CDK12: variants seen among roughly 807,000 people sequenced by gnomAD.
CDK12 encodes cyclin-dependent kinase 12.
A neutral mutation model predicts 133.8 loss-of-function variants in CDK12; 17 were observed. The ratio of observed to expected loss-of-function variants is 0.13; its 90% CI spans 0.09 to 0.19. The LOEUF (loss-of-function observed/expected upper bound fraction) is 0.19, where lower values mean the gene tolerates loss of function less well. Ranked by LOEUF, CDK12 falls within the 10% of genes least tolerant of loss-of-function variation. The probability of loss-of-function intolerance (pLI) is 1.00; values close to 1 mark genes in which losing one functional copy is unlikely to be tolerated. For missense variants in CDK12, 1,508 were observed against 1,818.7 expected, an observed-to-expected ratio of 0.83 and a Z score of 3.11; for synonymous variants, 694 against 683.6, an observed-to-expected ratio of 1.02 and a Z score of -0.24.
chr17:39,523,073 A>G (rs575974274), intron 11 of CDK12, among the ~76,000 whole-genome samples: 13 of 152,050 alleles, frequency 8.5e-5, no homozygotes, highest in Non-Finnish European at 1.9e-4. Flanking sequence ...AGTAACATAA[A>G]AGAAATATGA....
At chr17:39,466,956 T>G (rs115077930) in intron 1 of CDK12, among the ~76,000 whole-genome samples, 1,625 of 152,000 alleles carry the variant, frequency 0.011, 27 homozygotes, top group African/African-American at 0.037. Context: ...CAAAATGAAA[T>G]AAGCAACATT....
chr17:39,531,235 G>C lies in CDK12; in HGVS notation c.4392G>C (p.Gln1464His), dbSNP rs142640502. ...GCCTTCACTGGGGGGGCCCAACTCA[G>C]TCTTCTGCTTATGGAAAACTCTATC... ...GAGLHWGGPT[Q>H]SSAYGKLYRG... is the part of the protein sequence containing the mutation. The change falls in exon 14 of 14, where the codon CAG becomes CAC. Residue 1464 changes from glutamine to histidine, a missense_variant. By Grantham distance (24) the Gln-to-His change is conservative. Transcript: ENST00000447079. 2.6e-6 allele frequency: 4 copies of C among 1,515,122 alleles called. No individual in the cohort carries two copies. The highest frequency in any genetic ancestry group is 2.3e-5 in the East Asian group (1 of 43,816). The allele number at this position is 1,515,122 out of a possible 1,614,324, so 93.9% of individuals were successfully genotyped here.
At chr17:39,481,345 T>G (rs1210901284) in intron 2 of CDK12, among the ~76,000 whole-genome samples, 2 of 150,428 alleles carry the variant, frequency 1.3e-5, no homozygotes, top group Non-Finnish European at 3.0e-5. Flanking sequence ...TTTTTTTTTT[T>G]GTGGCAGAAT....
At chr17:39,512,233 G>A (rs1033729729) in intron 8 of CDK12, among the ~76,000 whole-genome samples, 38 of 152,036 alleles carry the variant, frequency 2.5e-4, no homozygotes, top group African/African-American at 8.9e-4. Flanking sequence ...GTGACTACAG[G>A]CGTATGTTGC....
At chr17:39,535,330 A>G (rs1485505067), downstream of CDK12, among the ~76,000 whole-genome samples, 1 of 152,226 alleles carries the variant, frequency 6.6e-6, no homozygotes. Flanking sequence ...CACCAGAGCA[A>G]GGGAAATTAG....
At chr17:39,472,272 C>A (rs1012990835) in intron 2 of CDK12, among the ~76,000 whole-genome samples, 1 of 151,996 alleles carries the variant, frequency 6.6e-6, no homozygotes, top group Non-Finnish European at 1.5e-5. Flanking sequence ...GCATGAGCCA[C>A]CATCCCTAGC....
chr17:39,490,751 T>C lies in CDK12; in HGVS notation c.2108+18T>C. ...AGACCAAAGTGAGTTTTTGGAGGAA[T>C]CTGTCTTTCATGATAGTTTTCTCCC... On this transcript the variant is annotated intron_variant, in intron 3 of 13. Transcript: ENST00000447079. 1 of 1,573,174 alleles carries C rather than the reference T, an allele frequency of 6.4e-7. No individual in the cohort carries two copies. Among genetic ancestry groups the C allele is most frequent in the Non-Finnish European group, 8.7e-7 (1 of 1,152,780 alleles).
At chr17:39,497,267 G>A (rs1413111109) in intron 5 of CDK12, among the ~76,000 whole-genome samples, 2 of 152,120 alleles carry the variant, frequency 1.3e-5, no homozygotes, top group Admixed American at 6.6e-5. Flanking sequence ...ATCTGGGCTA[G>A]GTGTGGTTGC....
rs1170059454 is a variant in CDK12 at position 39,492,127 on chromosome 17, C to G, written c.2109-624C>G. Among the ~76,000 whole-genome samples, 3 of 141,116 alleles carry G rather than the reference C, an allele frequency of 2.1e-5. No homozygotes were observed. In the East Asian group the frequency reaches 6.1e-4, roughly 29 times the overall value. 92.6% of individuals were successfully genotyped at this position (141,116 alleles called of 152,430 possible). On this transcript the variant is annotated intron_variant, in intron 3 of 13. Coordinates refer to ENST00000447079, the MANE Select transcript of CDK12 (RefSeq NM_016507.4). ...TTTTTTTTTTTTTGAGTCGGAGTCT[C>G]GCTCTGCTGCCCAGGCTGGAGTGCA...
At chr17:39,477,281 GC>G (rs1266528131) in intron 2 of CDK12, among the ~76,000 whole-genome samples, 2 of 151,882 alleles carry the variant, frequency 1.3e-5, no homozygotes, top group African/African-American at 2.4e-5. Flanking sequence ...TGTTGCCCAG[GC>G]TGGAGTGTAG....
chr17:39,500,245 C>T (rs533687500), intron 5 of CDK12, among the ~76,000 whole-genome samples: 5 of 151,644 alleles, frequency 3.3e-5, no homozygotes, highest in Admixed American at 6.6e-5. Flanking sequence ...GCGGAAGATT[C>T]GCTTGAGCCC....
At chr17:39,558,550 C>T (rs952492760) in intron 3 of CDK12, among the ~76,000 whole-genome samples, 7 of 152,182 alleles carry the variant, frequency 4.6e-5, no homozygotes, top group Non-Finnish European at 8.8e-5. Flanking sequence ...ATTTATAAGG[C>T]TCATCCCCTA....
chr17:39,482,599 ATT>A lies in CDK12; in HGVS notation c.1932-7938_1932-7937del, dbSNP rs71147345. Among the ~76,000 whole-genome samples, 38 of 74,418 alleles carry A rather than the reference ATT, an allele frequency of 5.1e-4. 2 individuals are homozygous for A. The highest frequency in any genetic ancestry group is 2.8e-3 in the South Asian group (4 of 1,432). The allele number at this position is 74,418 out of a possible 152,430, so 48.8% of individuals were successfully genotyped here. ...GCTGCCAAAGTGAACAATCAACTAC[ATT>A]TTTTTTTTTTTTTTTTTTTGAGGCA... On this transcript the variant is annotated intron_variant, in intron 2 of 13. Coordinates refer to ENST00000447079, the MANE Select transcript of CDK12 (RefSeq NM_016507.4).
chr17:39,527,170 T>C lies in CDK12; in HGVS notation c.3760+854T>C, dbSNP rs529972678. ...AAGAGGCTCGAGGGCTGAAGAGATA[T>C]ACTAATCTTCAACTTTAGGGTCCTA... On this transcript the variant is annotated intron_variant, in intron 13 of 13. Coordinates refer to ENST00000447079, the MANE Select transcript of CDK12 (RefSeq NM_016507.4). 1.8e-4 allele frequency among the ~76,000 whole-genome samples: 28 copies of C among 152,384 alleles called. No homozygotes were observed. In the South Asian group the frequency reaches 5.2e-3, roughly 28 times the overall value.
At chr17:39,496,154 A>C (rs186030561) in intron 5 of CDK12, among the ~76,000 whole-genome samples, 1 of 152,076 alleles carries the variant, frequency 6.6e-6, no homozygotes, top group Admixed American at 6.6e-5. Context: ...TCAGGCAGTC[A>C]TCCACCTCAG....
chr17:39,525,878 A>T lies in CDK12; in HGVS notation c.3322A>T (p.Thr1108Ser). The T allele has an allele frequency of 1.9e-6, 3 of 1,613,816 alleles. No individual in the cohort carries two copies. Among genetic ancestry groups the T allele is most frequent in the Non-Finnish European group, 2.5e-6 (3 of 1,179,756 alleles). The change falls in exon 13 of 14, where the codon ACA (threonine) becomes TCA (serine). Residue 1108 changes from threonine to serine, a missense_variant. Transcript: ENST00000447079. ...AGDAIGLADI[T>S]QQLNQSELAV... The stretch of plus-strand genomic sequence containing the variant: ...TCTTTCAACAGGCCTTGCTGACATC[A>T]CACAACAGCTGAATCAAAGTGAATT...
intron 2 of CDK12, among the ~76,000 whole-genome samples, chr17:39,486,740 G>C (rs2051162811): frequency 6.6e-6 from 1 of 152,090 alleles, no homozygotes; most frequent in Admixed American, 6.6e-5. Context: ...GGGGTGCGGT[G>C]GCTCATGTCT....
At chr17:39,493,361 G>C (rs998797662) in intron 4 of CDK12, among the ~76,000 whole-genome samples, 1 of 151,546 alleles carries the variant, frequency 6.6e-6, no homozygotes, top group Admixed American at 6.6e-5. Context: ...CTGGAGTGCA[G>C]TGAGTGGATC....
At chr17:39,463,905 C>T (rs1395267014) in intron 1 of CDK12, among the ~76,000 whole-genome samples, 2 of 151,908 alleles carry the variant, frequency 1.3e-5, no homozygotes, top group Non-Finnish European at 2.9e-5. Flanking sequence ...TGTTCTTGTT[C>T]CTAGGTAATG....
Sources: gnomAD v4.1 joint callset for allele counts (sites outside exome capture counted in the v4.1 genomes callset) on GRCh38, gnomAD v4.1.1 for gene constraint, MANE v1.5 for transcripts, NCBI Gene and HGNC (gene_info 2026-07-23, HGNC 2026-07-21) for gene names.